The following BBOX1 variants were observed in gnomAD, a reference collection of about 807,000 sequenced individuals.
The protein encoded by BBOX1 is gamma-butyrobetaine dioxygenase.
BBOX1 carries 35 observed loss-of-function variants against 41.6 expected under a neutral mutation model. The ratio of observed to expected loss-of-function variants is 0.84; its 90% CI spans 0.64 to 1.11. The LOEUF (loss-of-function observed/expected upper bound fraction) is 1.11, where lower values mean the gene tolerates loss of function less well. BBOX1 is among the 50% of genes most tolerant of loss of function. The pLI is 0.00. For missense variants in BBOX1, 458 were observed against 460.6 expected (o/e 0.99, Z 0.05); for synonymous variants, 163 against 154.7 (o/e 1.05, Z -0.40).
intron 5 of BBOX1, among the ~76,000 whole-genome samples, chr11:27,100,243 G>A (rs140662394): frequency 0.01 from 1,579 of 152,122 alleles, 32 homozygotes; most frequent in African/African-American, 0.037. Context: ...TGAAATACTT[G>A]TTACCAGAAA....
At chr11:27,049,118 G>A (rs1228111260) in intron 2 of BBOX1, among the ~76,000 whole-genome samples, 2 of 73,030 alleles carry the variant, frequency 2.7e-5, no homozygotes, top group African/African-American at 1.2e-4. Flanking sequence ...TGGTGTATAT[G>A]TGCCACATAA....
chr11:27,065,457 C>T (rs969044243), intron 4 of BBOX1, among the ~76,000 whole-genome samples: 1 of 152,140 alleles, frequency 6.6e-6, no homozygotes, highest in African/African-American at 2.4e-5. Flanking sequence ...AAGAGTCTAA[C>T]GTACCTATGC....
At chr11:27,062,748 A>C (rs1374591167) in intron 4 of BBOX1, among the ~76,000 whole-genome samples, 1 of 152,100 alleles carries the variant, frequency 6.6e-6, no homozygotes, top group African/African-American at 2.4e-5. Flanking sequence ...TTTTTAGTAG[A>C]GATGGGGTTT....
chr11:27,108,275 T>G (rs1402329427), intron 5 of BBOX1, among the ~76,000 whole-genome samples: 2 of 152,164 alleles, frequency 1.3e-5, no homozygotes, highest in Non-Finnish European at 2.9e-5. Context: ...TTGGCTAGAG[T>G]AAAATTCTGT....
chr11:27,110,187 C>T (rs1859007144), intron 5 of BBOX1, among the ~76,000 whole-genome samples: 1 of 151,904 alleles, frequency 6.6e-6, no homozygotes, highest in Non-Finnish European at 1.5e-5. Flanking sequence ...TAGGAGAGAA[C>T]CATCATGATT....
At chr11:27,048,290 GTTCTACTCATGAC>G (rs1297032101) in intron 2 of BBOX1, among the ~76,000 whole-genome samples, 1 of 152,068 alleles carries the variant, frequency 6.6e-6, no homozygotes, top group Non-Finnish European at 1.5e-5. Flanking sequence ...GGCACCCACT[GTTCTACTCATGAC>G]TTCTATGAGT....
At chr11:27,071,300 T>C (rs1032519471) in intron 4 of BBOX1, among the ~76,000 whole-genome samples, 2 of 151,250 alleles carry the variant, frequency 1.3e-5, no homozygotes, top group Non-Finnish European at 2.9e-5. Flanking sequence ...GAGAATGGCA[T>C]GAACCTGGGA....
chr11:27,044,001 T>A (rs1364418755), intron 2 of BBOX1, among the ~76,000 whole-genome samples: 1 of 152,172 alleles, frequency 6.6e-6, no homozygotes, highest in East Asian at 1.9e-4. Flanking sequence ...TGGTTCTAGA[T>A]CCTTGAGGAA....
At chr11:27,048,532 TGATAGATAGATA>T (rs59647951) in intron 2 of BBOX1, among the ~76,000 whole-genome samples, 2 of 150,204 alleles carry the variant, frequency 1.3e-5, no homozygotes, top group Non-Finnish European at 3.0e-5. Flanking sequence ...GATAGATAGA[TGATAGATAGATA>T]GATAGATAGA....
At chr11:27,082,867 A>G (rs556280247) in intron 4 of BBOX1, among the ~76,000 whole-genome samples, 1 of 152,274 alleles carries the variant, frequency 6.6e-6, no homozygotes, top group East Asian at 1.9e-4. Context: ...TTCCAGTCAT[A>G]AGCGTGAGTA....
At chr11:27,069,184 T>C (rs1294466808) in intron 4 of BBOX1, among the ~76,000 whole-genome samples, 1 of 152,112 alleles carries the variant, frequency 6.6e-6, no homozygotes, top group East Asian at 1.9e-4. Flanking sequence ...TGGTCATTCT[T>C]AAAATATTGA....
In BBOX1 at chr11:27,098,356, T is replaced by C. The variant is rs143223214; in HGVS notation, c.533+4990T>C. Among the ~76,000 whole-genome samples the C allele has an allele frequency of 1.5e-3, 224 of 152,116 alleles. 2 individuals are homozygous for C. Among genetic ancestry groups the C allele is most frequent in the African/African-American group, 5.2e-3 (216 of 41,540 alleles). ...GCATTATAATAAACCAAAATAATTA[T>C]ATGCTCCTCACTCAAATGAACGAGT... On this transcript the variant is annotated intron_variant, in intron 5 of 8. Transcript: ENST00000263182.
At chr11:27,080,371 C>T (rs1395582680) in intron 4 of BBOX1, among the ~76,000 whole-genome samples, 2 of 152,056 alleles carry the variant, frequency 1.3e-5, no homozygotes, top group Non-Finnish European at 2.9e-5. Flanking sequence ...ATTTGACTCT[C>T]TTTCACACTA....
rs369061722 is a variant in BBOX1, at chr11:27,091,463, C to G, written c.335-1705C>G. On this transcript the variant is annotated intron_variant, in intron 4 of 8. Transcript: ENST00000263182. ...TATCAAACCATCCTTCCTCCCTCCC[C>G]CAAAATGTATAATCATCCTGAAACC... Among the ~76,000 whole-genome samples the G allele has an allele frequency of 3.9e-4, 60 of 151,948 alleles. No individual in the cohort carries two copies. The South Asian group carries it at 0.011, about 27-fold the overall frequency.
chr11:27,047,702 C>A (rs775425015), intron 2 of BBOX1, among the ~76,000 whole-genome samples: 1 of 152,036 alleles, frequency 6.6e-6, no homozygotes, highest in Non-Finnish European at 1.5e-5. Context: ...GATAAATCAT[C>A]CGTATGCTAG....
chr11:27,070,865 T>C (rs1857424124), intron 4 of BBOX1, among the ~76,000 whole-genome samples: 1 of 152,154 alleles, frequency 6.6e-6, no homozygotes, highest in South Asian at 2.1e-4. Context: ...TACTGTTTTA[T>C]AGGCCTGTGA....
intron 6 of BBOX1, among the ~76,000 whole-genome samples, chr11:27,118,888 A>T (rs934429310): frequency 1.6e-4 from 24 of 151,392 alleles, no homozygotes; most frequent in African/African-American, 5.8e-4. Flanking sequence ...AAACAAAGTT[A>T]TGCTATTGTT....
chr11:27,068,677 G>T (rs1273678114), intron 4 of BBOX1, among the ~76,000 whole-genome samples: 1 of 151,948 alleles, frequency 6.6e-6, no homozygotes, highest in Non-Finnish European at 1.5e-5. Context: ...TTTTTCCTAG[G>T]TTATCCTCTA....
chr11:27,079,202 C>G (rs991754315), intron 4 of BBOX1, among the ~76,000 whole-genome samples: 1 of 152,080 alleles, frequency 6.6e-6, no homozygotes, highest in Non-Finnish European at 1.5e-5. Flanking sequence ...TTTAGTCTTA[C>G]ATTGGTTTGA....
Sources: gnomAD v4.1 joint callset for allele counts (sites outside exome capture counted in the v4.1 genomes callset) on GRCh38, gnomAD v4.1.1 for gene constraint, MANE v1.5 for transcripts, NCBI Gene and HGNC (gene_info 2026-07-23, HGNC 2026-07-21) for gene names.